Variants in ARHGAP24 observed in about 807,000 individuals in gnomAD.
ARHGAP24 encodes Rho GTPase activating protein 24.
ARHGAP24 carries 50 observed loss-of-function variants against 76.4 expected under a neutral mutation model. The ratio of observed to expected loss-of-function variants is 0.65; its 90% CI spans 0.52 to 0.83. ARHGAP24 has a LOEUF of 0.83. Among genes scored for constraint, ARHGAP24 ranks in the 40% least tolerant of loss-of-function variants. The pLI, the probability that ARHGAP24 is intolerant of heterozygous loss-of-function variation, is 0.00. For synonymous variants in ARHGAP24, 345 were observed against 323.3 expected, an observed-to-expected ratio of 1.07 and a Z score of -0.72; for missense variants, 930 against 914.2, an observed-to-expected ratio of 1.02 and a Z score of -0.22.
At chr4:85,537,615 G>T (rs1725521386) in intron 1 of ARHGAP24, among the ~76,000 whole-genome samples, 1 of 152,066 alleles carries the variant, frequency 6.6e-6, no homozygotes, top group East Asian at 1.9e-4. Flanking sequence ...TTCTTCTTTT[G>T]TCTGTTGGCA....
At chr4:85,850,223 A>G (rs1202237325) in intron 3 of ARHGAP24, among the ~76,000 whole-genome samples, 1 of 152,126 alleles carries the variant, frequency 6.6e-6, no homozygotes, top group Admixed American at 6.5e-5. Flanking sequence ...TAGATTTTCT[A>G]GTTTATTTGC....
chr4:85,922,217 C>T (rs567066469), intron 3 of ARHGAP24, among the ~76,000 whole-genome samples: 66 of 152,268 alleles, frequency 4.3e-4, no homozygotes, highest in Admixed American at 1.0e-3. Context: ...ATAGTTATTG[C>T]GCTTCTCTGA....
rs187478550 is a variant in ARHGAP24, at chr4:85,987,202, G to T, written c.929-7381G>T. Among the ~76,000 whole-genome samples the T allele has an allele frequency of 8.0e-4, 122 of 152,068 alleles. 1 individual carries two copies. In the South Asian group the frequency reaches 0.012, roughly 15 times the overall value. On this transcript the variant is annotated intron_variant, in intron 8 of 9. Coordinates refer to ENST00000395184, the MANE Select transcript of ARHGAP24 (RefSeq NM_001025616.3). ...AAGGGGAAACTGTGTTTAAAAAGGCGGTGGAGAGGAGGTATATAGGAACCG... is the reference window on the plus strand; with the variant it reads ...AAGGGGAAACTGTGTTTAAAAAGGCTGTGGAGAGGAGGTATATAGGAACCG...
chr4:85,572,524 G>A (rs1420264392), intron 2 of ARHGAP24, among the ~76,000 whole-genome samples: 1 of 151,992 alleles, frequency 6.6e-6, no homozygotes, highest in East Asian at 1.9e-4. Flanking sequence ...TGGTTATATT[G>A]ATTAAAAAGT....
At chr4:85,648,192 C>G (rs1381399756) in intron 2 of ARHGAP24, among the ~76,000 whole-genome samples, 1 of 152,074 alleles carries the variant, frequency 6.6e-6, no homozygotes, top group East Asian at 1.9e-4. Context: ...GATCCTACGC[C>G]AGATCGGAGG....
chr4:85,643,421 G>A (rs905005005), intron 2 of ARHGAP24, among the ~76,000 whole-genome samples: 1 of 120,028 alleles, frequency 8.3e-6, no homozygotes, highest in Non-Finnish European at 1.7e-5. Flanking sequence ...ACCGCGCCCG[G>A]CTAATTTTTT....
At chr4:85,652,726 C>T (rs1029072385) in intron 2 of ARHGAP24, among the ~76,000 whole-genome samples, 1 of 152,048 alleles carries the variant, frequency 6.6e-6, no homozygotes. Flanking sequence ...TTGAGGGATG[C>T]AGAAACTGTG....
chr4:85,505,886 T>A (rs1026542288), intron 1 of ARHGAP24, among the ~76,000 whole-genome samples: 1 of 152,146 alleles, frequency 6.6e-6, no homozygotes, highest in Non-Finnish European at 1.5e-5. Context: ...TTGATGTTGG[T>A]GACCTACAGA....
intron 3 of ARHGAP24, among the ~76,000 whole-genome samples, chr4:85,745,733 C>A (rs989228085): frequency 6.6e-6 from 1 of 152,110 alleles, no homozygotes; most frequent in African/African-American, 2.4e-5. Context: ...ATCTAATGGG[C>A]TACAGATTAC....
At chr4:85,640,827 C>T (rs1721493354) in intron 2 of ARHGAP24, among the ~76,000 whole-genome samples, 3 of 151,992 alleles carry the variant, frequency 2.0e-5, no homozygotes, top group Admixed American at 6.6e-5. Context: ...TTGGCACAAA[C>T]AAAGGCCATA....
intron 3 of ARHGAP24, among the ~76,000 whole-genome samples, chr4:85,919,422 A>G (rs1310363061): frequency 6.6e-6 from 1 of 152,202 alleles, no homozygotes; most frequent in Non-Finnish European, 1.5e-5. Flanking sequence ...GTTCATATCT[A>G]TAGAAATTAT....
intron 5 of ARHGAP24, among the ~76,000 whole-genome samples, chr4:85,963,876 G>T (rs1190614982): frequency 6.6e-6 from 1 of 151,666 alleles, no homozygotes; most frequent in African/African-American, 2.4e-5. Context: ...TAGTACTGAT[G>T]ATTACCACTT....
chr4:85,835,433 G>A lies in ARHGAP24; in HGVS notation c.269-88215G>A, dbSNP rs1227591748. 7.9e-5 allele frequency among the ~76,000 whole-genome samples: 12 copies of A among 151,064 alleles called. No homozygotes were observed. In the South Asian group the frequency reaches 2.3e-3, roughly 29 times the overall value. On this transcript the variant is annotated intron_variant, in intron 3 of 9. Coordinates refer to ENST00000395184, the MANE Select transcript of ARHGAP24 (RefSeq NM_001025616.3). Reference sequence around the variant, plus strand: ...AAATTAGCCAGGCGTGGTGGCGGGCGTCTGTAGTCCCAGCTGGGAGGCTGA... The same window carrying A: ...AAATTAGCCAGGCGTGGTGGCGGGCATCTGTAGTCCCAGCTGGGAGGCTGA...
intron 3 of ARHGAP24, among the ~76,000 whole-genome samples, chr4:85,875,786 G>A (rs184288701): frequency 6.7e-6 from 1 of 148,998 alleles, no homozygotes; most frequent in Non-Finnish European, 1.5e-5. Flanking sequence ...CTGTTGTCCA[G>A]GCTGGAGTGC....
At chr4:85,626,400 C>A (rs1311044119) in intron 2 of ARHGAP24, among the ~76,000 whole-genome samples, 1 of 152,134 alleles carries the variant, frequency 6.6e-6, no homozygotes, top group Admixed American at 6.5e-5. Flanking sequence ...TTATTGGTCC[C>A]CACTCTCTTC....
intron 5 of ARHGAP24, among the ~76,000 whole-genome samples, chr4:85,970,451 A>G (rs1738903409): frequency 6.6e-6 from 1 of 152,132 alleles, no homozygotes; most frequent in South Asian, 2.1e-4. Flanking sequence ...CTAGGGTACA[A>G]GTAGTGAGCA....
At chr4:85,689,943 C>A (rs55880606) in intron 2 of ARHGAP24, among the ~76,000 whole-genome samples, 1,487 of 124,392 alleles carry the variant, frequency 0.012, 25 homozygotes, top group African/African-American at 0.055. Context: ...TCTTGTTCCA[C>A]TTCTCAGGGG....
chr4:85,695,964 G>A (rs1227547038), intron 2 of ARHGAP24, among the ~76,000 whole-genome samples: 2 of 152,016 alleles, frequency 1.3e-5, no homozygotes, highest in Non-Finnish European at 1.5e-5. Flanking sequence ...ATAATTTAAG[G>A]CAGCCAGAGG....
intron 2 of ARHGAP24, among the ~76,000 whole-genome samples, chr4:85,658,092 C>A (rs1467277439): frequency 6.6e-6 from 1 of 152,144 alleles, no homozygotes. Context: ...CAATTGCATT[C>A]TCATTGGTCA....
Sources: gnomAD v4.1 joint callset for allele counts (sites outside exome capture counted in the v4.1 genomes callset) on GRCh38, gnomAD v4.1.1 for gene constraint, MANE v1.5 for transcripts, NCBI Gene and HGNC (gene_info 2026-07-23, HGNC 2026-07-21) for gene names.